Variants in TMEM230 observed in about 807,000 individuals in gnomAD.
TMEM230 encodes UPF0414 transmembrane protein C20orf30.
TMEM230 carries 10 observed loss-of-function variants against 15.8 expected under a neutral mutation model. The ratio of observed to expected loss-of-function variants is 0.63; its 90% CI spans 0.39 to 1.07. The LOEUF is 1.07. TMEM230 is among the 50% of genes least tolerant of loss of function. The pLI, the probability that TMEM230 is intolerant of heterozygous loss-of-function variation, is 0.01. For synonymous variants in TMEM230, 67 were observed against 76.9 expected (o/e 0.87, Z 0.68); for missense variants, 165 against 193.3 (o/e 0.85, Z 0.87).
chr20:5,081,421 C>T (rs2089170130), intron 3 of TMEM230, among the ~76,000 whole-genome samples: 1 of 152,182 alleles, frequency 6.6e-6, no homozygotes, highest in Non-Finnish European at 1.5e-5. Flanking sequence ...AGCAGGGGAG[C>T]TGGGTCTGGC....
At chr20:5,111,785 C>T in intron 1 of TMEM230, 3 of 982,240 alleles carry the variant, frequency 3.1e-6, no homozygotes, top group Non-Finnish European at 3.6e-6. Flanking sequence ...TAGATGCCAG[C>T]TGTTCTAAGT....
intron 3 of TMEM230, among the ~76,000 whole-genome samples, chr20:5,071,632 A>C (rs1256742780): frequency 3.9e-4 from 5 of 12,838 alleles, no homozygotes; most frequent in South Asian, 0.031. Context: ...TCAAAAAAAA[A>C]AAAAAACAAA....
At chr20:5,101,055 T>C (rs780665909) in intron 4 of TMEM230, 124 bp from the exon 4 acceptor site, 43 of 1,181,956 alleles carry the variant, frequency 3.6e-5, no homozygotes, top group Non-Finnish European at 4.1e-5. Context: ...TTGAGTTGTA[T>C]ACCACCAAGG....
Position 5,106,228 on chromosome 20 carries a change from A to C in TMEM230, c.371T>G (p.Ile124Ser), listed in dbSNP as rs767270891. ...GCCTGACAGCAGGAGGGAGCCTATAATAATGAGAAAGGCGCCAATCAAAAA... is the reference window on the plus strand; with the variant it reads ...GCCTGACAGCAGGAGGGAGCCTATACTAATGAGAAAGGCGCCAATCAAAAA... Residue 124 changes from isoleucine to serine, a missense_variant, in exon 4 of 5, where the codon ATT becomes AGT. Coordinates refer to ENST00000342308, the MANE Select transcript of TMEM230 (RefSeq NM_001009923.2). 1 of 1,614,066 alleles carries C rather than the reference A, an allele frequency of 6.2e-7. No individual in the cohort carries two copies. Among genetic ancestry groups the C allele is most frequent in the Non-Finnish European group, 8.5e-7 (1 of 1,179,970 alleles).
At chr20:5,086,457 T>A (rs1283375174) in intron 3 of TMEM230, among the ~76,000 whole-genome samples, 1 of 141,774 alleles carries the variant, frequency 7.1e-6, no homozygotes, top group African/African-American at 2.7e-5. Context: ...GAGGATGGCA[T>A]GAACCCGGGA....
Position 5,100,744 on chromosome 20 carries a change from A to C in TMEM230, c.*47T>G, listed in dbSNP as rs2089819782. The C allele has an allele frequency of 6.2e-7, 1 of 1,605,548 alleles. No homozygotes were observed. ...CTATAGTTTCTGCTAGATATCTTAAAGCTGGGACAGTTCCACTGTGACTCC... is the reference window on the plus strand; with the variant it reads ...CTATAGTTTCTGCTAGATATCTTAACGCTGGGACAGTTCCACTGTGACTCC... On this transcript the variant is annotated 3_prime_UTR_variant, in exon 5 of 5. Coordinates refer to ENST00000342308, the MANE Select transcript of TMEM230 (RefSeq NM_001009923.2).
intron 3 of TMEM230, among the ~76,000 whole-genome samples, chr20:5,087,161 G>A (rs1020064554): frequency 1.4e-4 from 22 of 152,002 alleles, no homozygotes; most frequent in African/African-American, 5.1e-4. Flanking sequence ...GGCATGAGCC[G>A]CCATGGCCGG....
intron 3 of TMEM230, among the ~76,000 whole-genome samples, chr20:5,086,538 C>CAAA (rs542162305): frequency 1.9e-4 from 17 of 88,724 alleles, no homozygotes; most frequent in Middle Eastern, 5.7e-3. Context: ...GACTCTGTCT[C>CAAA]AAAAAAAAAA....
At chr20:5,099,228 A>AATC (rs1568496390), downstream of TMEM230, among the ~76,000 whole-genome samples, 16 of 91,244 alleles carry the variant, frequency 1.8e-4, no homozygotes, top group South Asian at 3.7e-4. Flanking sequence ...ATAAATAAAT[A>AATC]AATAAATCAA....
intron 1 of TMEM230, chr20:5,112,685 A>G: frequency 7.1e-7 from 1 of 1,404,000 alleles, no homozygotes; most frequent in Non-Finnish European, 9.3e-7. Flanking sequence ...AAAGCATCAT[A>G]AAACGTTTGG....
intron 2 of TMEM230, among the ~76,000 whole-genome samples, chr20:5,110,544 C>A (rs1020649592): frequency 2.0e-5 from 3 of 152,130 alleles, no homozygotes; most frequent in African/African-American, 4.8e-5. Context: ...CTCAGCCTTC[C>A]AAAGTGCTGG....
chr20:5,080,244 C>G (rs911050681), intron 3 of TMEM230, among the ~76,000 whole-genome samples: 9 of 152,040 alleles, frequency 5.9e-5, no homozygotes, highest in African/African-American at 2.2e-4. Flanking sequence ...ATGTAGACGC[C>G]GGAAAATAAA....
chr20:5,062,906 G>A, the TMEM230 span, among the ~76,000 whole-genome samples: 1 of 152,166 alleles, frequency 6.6e-6, no homozygotes, highest in Non-Finnish European at 1.5e-5. Flanking sequence ...GAGCTATGAA[G>A]AAGACAATAC....
At chr20:5,059,336 CA>C in the TMEM230 span, among the ~76,000 whole-genome samples, 6 of 150,682 alleles carry the variant, frequency 4.0e-5, no homozygotes, top group African/African-American at 1.2e-4. Context: ...TGTCTCCTTC[CA>C]AAAAAAATTC....
intron 2 of TMEM230, among the ~76,000 whole-genome samples, chr20:5,110,287 GT>G (rs113672230): frequency 5.0e-4 from 72 of 144,166 alleles, no homozygotes; most frequent in East Asian, 2.4e-3. Context: ...CTTGAACTCA[GT>G]TTTTTTTTTT....
chr20:5,074,204 G>A (rs1476197175), intron 3 of TMEM230, among the ~76,000 whole-genome samples: 1 of 152,074 alleles, frequency 6.6e-6, no homozygotes, highest in South Asian at 2.1e-4. Flanking sequence ...TTTGAAGGGG[G>A]CACACATCCA....
Position 5,100,242 on chromosome 20 carries a change from C to A in TMEM230, c.*549G>T. The A allele has an allele frequency of 2.0e-6, 2 of 985,464 alleles. No homozygotes were observed. Among genetic ancestry groups the A allele is most frequent in the Non-Finnish European group, 1.2e-6 (1 of 830,044 alleles). 61.0% of individuals were successfully genotyped at this position (985,464 alleles called of 1,614,324 possible). A position where few individuals can be genotyped will look rare whatever the true frequency, so the allele number is the denominator to read the frequency against. ...AGTATTTACATTTTGAAAACTTGCT[C>A]TGCAGGATAAAAAAATTCCTGGTTG... On this transcript the variant is annotated 3_prime_UTR_variant, in exon 5 of 5. Coordinates refer to ENST00000342308, the MANE Select transcript of TMEM230 (RefSeq NM_001009923.2).
chr20:5,081,007 G>A (rs2089160229), intron 3 of TMEM230, among the ~76,000 whole-genome samples: 1 of 152,334 alleles, frequency 6.6e-6, no homozygotes, highest in East Asian at 1.9e-4. Flanking sequence ...GCAATATGAT[G>A]TTGTCACAAT....
downstream of TMEM230, among the ~76,000 whole-genome samples, chr20:5,097,442 T>C (rs547103270): frequency 5.4e-4 from 83 of 152,296 alleles, no homozygotes; most frequent in African/African-American, 1.9e-3. Context: ...AGTTAGGATA[T>C]ATAGTCTGGT....
Sources: allele counts gnomAD v4.1 joint callset (sites outside exome capture counted in the v4.1 genomes callset), GRCh38; gene constraint gnomAD v4.1.1; transcripts MANE v1.5; gene names NCBI Gene and HGNC (gene_info 2026-07-23, HGNC 2026-07-21).